CTPS2: variants seen among roughly 807,000 people sequenced by gnomAD.
CTPS2 encodes CTP synthase II.
A neutral mutation model predicts 46.8 loss-of-function variants in CTPS2; 19 were observed. The ratio of observed to expected loss-of-function variants is 0.41; its 90% CI spans 0.28 to 0.60. CTPS2 has a LOEUF of 0.60. Ranked by LOEUF, CTPS2 falls within the 20% of genes least tolerant of loss-of-function variation. The pLI, the probability that CTPS2 is intolerant of heterozygous loss-of-function variation, is 0.35. For synonymous variants in CTPS2, 151 were observed against 165.2 expected (o/e 0.91, Z 0.66); for missense variants, 286 against 447.6 (o/e 0.64, Z 3.26).
chrX:16,596,300 C>T (rs1328686154), intron 17 of CTPS2, among the ~76,000 whole-genome samples: 1 of 109,231 alleles, frequency 9.2e-6, no homozygotes, highest in African/African-American at 3.4e-5. Context: ...ACTAACTCGT[C>T]GTCTAGCATT....
intron 16 of CTPS2, among the ~76,000 whole-genome samples, chrX:16,612,348 C>T (rs1009715581): frequency 6.3e-5 from 7 of 111,746 alleles, no homozygotes; most frequent in African/African-American, 2.3e-4. Flanking sequence ...TTAATAACTG[C>T]TTGCAGTCCG....
chrX:16,655,844 G>A (rs1932805728), intron 13 of CTPS2, among the ~76,000 whole-genome samples: 2 of 108,049 alleles, frequency 1.9e-5, no homozygotes, highest in African/African-American at 3.4e-5. Flanking sequence ...CGCCCAGGCT[G>A]GAGTGCAGTG....
At chrX:16,678,256 C>T in intron 10 of CTPS2, 106 bp downstream of exon 10, 1 of 566,630 alleles carries the variant, frequency 1.8e-6, no homozygotes, top group South Asian at 2.5e-5. Context: ...GTACTCCAAA[C>T]TACCTTTCAA....
At chrX:16,692,336 G>A (rs915965663) in intron 6 of CTPS2, among the ~76,000 whole-genome samples, 11 of 110,434 alleles carry the variant, frequency 1.0e-4, no homozygotes, top group East Asian at 2.9e-4. Context: ...CTGTGGTAGC[G>A]TGCACCTCTA....
intron 16 of CTPS2, among the ~76,000 whole-genome samples, chrX:16,610,495 T>C (rs1296068097): frequency 9.0e-6 from 1 of 111,439 alleles, no homozygotes; most frequent in African/African-American, 3.3e-5. Flanking sequence ...TTTCTTAAGG[T>C]AATCATTTAA....
chrX:16,654,541 G>C (rs1427258306), intron 13 of CTPS2: 1 of 889,264 alleles, frequency 1.1e-6, no homozygotes, highest in African/African-American at 2.0e-5. Flanking sequence ...CTGAGCACTG[G>C]AGGAAGAGCG....
At chrX:16,683,340 G>A (rs575591831) in intron 8 of CTPS2, 114 bp from the exon 9 acceptor site, 24 of 764,334 alleles carry the variant, frequency 3.1e-5, no homozygotes, top group African/African-American at 3.1e-4. Flanking sequence ...GGGAGCAGCT[G>A]TAGTCCTAGC....
At chrX:16,670,925 C>A (rs752978085) in intron 10 of CTPS2, among the ~76,000 whole-genome samples, 1 of 111,636 alleles carries the variant, frequency 9.0e-6, no homozygotes, top group African/African-American at 3.3e-5. Context: ...GGCATCAGAG[C>A]ATACTAACTG....
intron 14 of CTPS2, among the ~76,000 whole-genome samples, chrX:16,637,157 G>A (rs1931797133): frequency 9.0e-6 from 1 of 111,322 alleles, no homozygotes; most frequent in African/African-American, 3.3e-5. Context: ...GCTGGTCTCC[G>A]ACTCCTGGGC....
At position 16,669,641 on chromosome X, in the gene CTPS2, C is replaced by T. The variant is rs184792476; in HGVS notation, c.1189+939G>A. ...AGAAAACAAGGTATCCAGGTAACTA[C>T]TCCAGTCTTCTATTTTGAAAATGGA... On this transcript the variant is annotated intron_variant, in intron 11 of 18. Transcript: ENST00000359276. Among the ~76,000 whole-genome samples the T allele has an allele frequency of 2.6e-3, 290 of 110,302 alleles. 2 individuals are homozygous for T. Among genetic ancestry groups the T allele is most frequent in the African/African-American group, 9.4e-3 (286 of 30,353 alleles).
rs763480104 is a variant in CTPS2 at position 16,672,579 on chromosome X, G to A, written c.1095-1905C>T. Among the ~76,000 whole-genome samples the A allele has an allele frequency of 3.0e-4, 33 of 111,583 alleles. 1 individual carries two copies. In the South Asian group the frequency reaches 0.011, roughly 37 times the overall value. ...TTGCCAGTAAGATATTGGGTGCTAG[G>A]CAGAGTGGCTAATGTCTATGTTTTG... On this transcript the variant is annotated intron_variant, in intron 10 of 18. Coordinates refer to ENST00000359276, the MANE Select transcript of CTPS2 (RefSeq NM_175859.3).
intron 17 of CTPS2, among the ~76,000 whole-genome samples, chrX:16,602,041 A>C (rs1391078846): frequency 9.0e-6 from 1 of 111,686 alleles, no homozygotes; most frequent in Non-Finnish European, 1.9e-5. Context: ...CCTGCTGACT[A>C]TGAGCAATGG....
chrX:16,642,088 C>T (rs1932105644), intron 13 of CTPS2, among the ~76,000 whole-genome samples: 3 of 112,189 alleles, frequency 2.7e-5, no homozygotes, highest in African/African-American at 9.7e-5. Context: ...GCTTTTTAAA[C>T]TTTGCACATC....
Position 16,588,996 on chromosome X carries a change from A to G in CTPS2, c.*821T>C, listed in dbSNP as rs1217108034. 1 of 112,469 alleles carries G rather than the reference A, an allele frequency of 8.9e-6. No homozygotes were observed. The highest frequency in any genetic ancestry group is 3.2e-5 in the African/African-American group (1 of 30,960). The allele number at this position is 112,469 out of a possible 1,213,427, so 9.3% of individuals were successfully genotyped here. A position where few individuals can be genotyped will look rare whatever the true frequency, so the allele number is the denominator to read the frequency against. ...TCTCATGCCAGAAATCACAGTCAAA[A>G]TGCAGTCGAAACTTTGTTTCATGCA... On this transcript the variant is annotated 3_prime_UTR_variant, in exon 19 of 19. Transcript: ENST00000359276.
At chrX:16,596,880 G>T (rs1929311979) in intron 17 of CTPS2, among the ~76,000 whole-genome samples, 1 of 105,576 alleles carries the variant, frequency 9.5e-6, no homozygotes, top group Non-Finnish European at 1.9e-5. Flanking sequence ...TTTAATGATT[G>T]CCATTCTAAC....
chrX:16,670,814 C>A, intron 10 of CTPS2, 140 bp from the exon 11 acceptor site: 1 of 395,313 alleles, frequency 2.5e-6, no homozygotes, highest in South Asian at 5.9e-5. Flanking sequence ...TATATGACTT[C>A]ACACCCTGAA....
intron 1 of CTPS2, chrX:16,711,449 C>T (rs2033727103): frequency 9.0e-6 from 1 of 111,156 alleles, no homozygotes; most frequent in African/African-American, 3.3e-5. Flanking sequence ...ACCGGAAGCA[C>T]CCAGAGACAC....
intron 17 of CTPS2, among the ~76,000 whole-genome samples, chrX:16,600,570 C>T (rs1602117800): frequency 9.0e-6 from 1 of 111,436 alleles, no homozygotes; most frequent in East Asian, 2.8e-4. Context: ...TAAAAGCACA[C>T]GGTAGTCTGT....
At chrX:16,706,801 C>T (rs181635215) in intron 1 of CTPS2, among the ~76,000 whole-genome samples, 287 of 110,024 alleles carry the variant, frequency 2.6e-3, no homozygotes, top group Non-Finnish European at 4.4e-3. Flanking sequence ...GAGGAGGTTG[C>T]AGTGAGCTGA....
Sources: gnomAD v4.1 joint callset for allele counts (sites outside exome capture counted in the v4.1 genomes callset) on GRCh38, gnomAD v4.1.1 for gene constraint, MANE v1.5 for transcripts, NCBI Gene and HGNC (gene_info 2026-07-23, HGNC 2026-07-21) for gene names.